NCOA2: variants seen among roughly 807,000 people sequenced by gnomAD.
NCOA2 encodes nuclear receptor coactivator 2, also known as class E basic helix-loop-helix protein 75.
NCOA2 carries 21 observed loss-of-function variants against 145.1 expected under a neutral mutation model. The observed-to-expected ratio is 0.14, with a 90% confidence interval of 0.10 to 0.21. NCOA2 has a LOEUF of 0.21. NCOA2 is among the 10% of genes least tolerant of loss of function. NCOA2 has a pLI of 1.00. For missense variants in NCOA2, 1,472 were observed against 1,837.6 expected, an observed-to-expected ratio of 0.80 and a Z score of 3.64; for synonymous variants, 619 against 637.5, an observed-to-expected ratio of 0.97 and a Z score of 0.44.
chr8:70,277,646 T>A (rs1005753986), intron 2 of NCOA2, among the ~76,000 whole-genome samples: 1 of 152,184 alleles, frequency 6.6e-6, no homozygotes, highest in Non-Finnish European at 1.5e-5. Flanking sequence ...TTCCCACAAA[T>A]GCTATTTTTA....
chr8:70,159,847 T>C (rs72663932), intron 9 of NCOA2, among the ~76,000 whole-genome samples, 195 bp from the exon 10 acceptor site: 11 of 152,318 alleles, frequency 7.2e-5, no homozygotes, highest in South Asian at 6.2e-4. Flanking sequence ...TCACTGAAAA[T>C]ACCAATAACC....
At position 70,113,629 on chromosome 8, in the gene NCOA2, G is replaced by A. The variant is rs1300376831; in HGVS notation, c.*3C>T. Reference sequence around the variant, plus strand: ...GCTGAAGAAGCAACTGGCTTCAGCAGTGTCAGCAATATTTCTGTAGGAAAA... The same window carrying A: ...GCTGAAGAAGCAACTGGCTTCAGCAATGTCAGCAATATTTCTGTAGGAAAA... On this transcript the variant is annotated 3_prime_UTR_variant, in exon 23 of 23. Transcript: ENST00000452400. 9 of 1,551,944 alleles carry A rather than the reference G, an allele frequency of 5.8e-6. No homozygotes were observed. The highest frequency in any genetic ancestry group is 2.4e-5 in the East Asian group (1 of 40,972).
chr8:70,402,693 G>GGCCT (rs1285882546), intron 1 of NCOA2: 1 of 152,120 alleles, frequency 6.6e-6, no homozygotes, highest in Non-Finnish European at 1.5e-5. Context: ...GGGCCCCGAG[G>GGCCT]GCCTGTCCCT....
chr8:70,311,835 A>G (rs1461108785), intron 1 of NCOA2, among the ~76,000 whole-genome samples: 1 of 152,136 alleles, frequency 6.6e-6, no homozygotes, highest in Non-Finnish European at 1.5e-5. Context: ...AAATTCTACC[A>G]TCCTCAAATA....
In NCOA2 at chr8:70,204,228, G is replaced by A. The variant is rs566441542; in HGVS notation, c.259+9675C>T. On this transcript the variant is annotated intron_variant, in intron 4 of 22. Coordinates refer to ENST00000452400, the MANE Select transcript of NCOA2 (RefSeq NM_006540.4). ...TCACCATGTTGGCCAGGATAGTCTC[G>A]AACTCCTGACCTCAAGTGATCCGCC... Among the ~76,000 whole-genome samples, 28 of 152,016 alleles carry A rather than the reference G, an allele frequency of 1.8e-4. No individual in the cohort carries two copies. The East Asian group carries it at 3.9e-3, about 21-fold the overall frequency.
chr8:70,114,959 C>T (rs1249241832), intron 22 of NCOA2, among the ~76,000 whole-genome samples: 1 of 152,066 alleles, frequency 6.6e-6, no homozygotes, highest in African/African-American at 2.4e-5. Context: ...CTTAGAATAC[C>T]TGTGATTTTA....
At chr8:70,189,262 G>A (rs1816411000) in intron 4 of NCOA2, among the ~76,000 whole-genome samples, 2 of 152,156 alleles carry the variant, frequency 1.3e-5, no homozygotes, top group Admixed American at 1.3e-4. Flanking sequence ...GGCCTTCTTG[G>A]TTCAGCAGAT....
At chr8:70,287,314 CTT>C (rs1826304709) in intron 2 of NCOA2, among the ~76,000 whole-genome samples, 1 of 152,144 alleles carries the variant, frequency 6.6e-6, no homozygotes. Context: ...TCTAGTCACT[CTT>C]AGAATGTAGT....
At chr8:70,248,306 C>G (rs1822792682) in intron 2 of NCOA2, among the ~76,000 whole-genome samples, 6 of 152,116 alleles carry the variant, frequency 3.9e-5, no homozygotes, top group Admixed American at 3.9e-4. Context: ...CTCTGTAATC[C>G]AGGCTCCTAT....
At chr8:70,135,100 T>C (rs1468683162) in intron 15 of NCOA2, among the ~76,000 whole-genome samples, 5 of 152,102 alleles carry the variant, frequency 3.3e-5, no homozygotes, top group Admixed American at 3.3e-4. Context: ...GCCTTCCCTG[T>C]GAGCTCCAGC....
At chr8:70,394,612 A>C (rs1284395916) in intron 1 of NCOA2, among the ~76,000 whole-genome samples, 2 of 152,082 alleles carry the variant, frequency 1.3e-5, no homozygotes, top group Non-Finnish European at 2.9e-5. Flanking sequence ...ATATTGAGAA[A>C]CTCCAAAGAG....
chr8:70,294,731 C>A (rs1361527250), intron 2 of NCOA2, among the ~76,000 whole-genome samples: 1 of 152,162 alleles, frequency 6.6e-6, no homozygotes, highest in Non-Finnish European at 1.5e-5. Context: ...AGGTCAAGGT[C>A]TTTGGAGTGG....
intron 2 of NCOA2, among the ~76,000 whole-genome samples, chr8:70,231,509 T>C (rs1307848983): frequency 6.6e-6 from 1 of 152,254 alleles, no homozygotes; most frequent in Non-Finnish European, 1.5e-5. Context: ...ATAGTTTTCC[T>C]GGCTCCGCCC....
At chr8:70,417,245 TAAAAAA>T in the NCOA2 span, among the ~76,000 whole-genome samples, 5 of 77,996 alleles carry the variant, frequency 6.4e-5, no homozygotes, top group Admixed American at 4.2e-4. Flanking sequence ...TCGTCTCTAT[TAAAAAA>T]AAAAAAAAAA....
chr8:70,335,145 A>ATT (rs1807465394), intron 1 of NCOA2, among the ~76,000 whole-genome samples: 3 of 149,556 alleles, frequency 2.0e-5, no homozygotes, highest in East Asian at 2.0e-4. Flanking sequence ...AAAAAAAAAA[A>ATT]AAAAAAAAGA....
chr8:70,406,104 CAG>C (rs1814774032), upstream of NCOA2, among the ~76,000 whole-genome samples: 1 of 152,208 alleles, frequency 6.6e-6, no homozygotes, highest in South Asian at 2.1e-4. Flanking sequence ...GTAAGTGCAA[CAG>C]AGCCCAAGAC....
intron 19 of NCOA2, among the ~76,000 whole-genome samples, chr8:70,126,086 TCA>T (rs1808382379): frequency 6.6e-6 from 1 of 152,222 alleles, no homozygotes; most frequent in Non-Finnish European, 1.5e-5. Context: ...GCAACAGACT[TCA>T]CAGTTATTTA....
chr8:70,196,999 T>G (rs1406224657), intron 4 of NCOA2, among the ~76,000 whole-genome samples: 2 of 152,236 alleles, frequency 1.3e-5, no homozygotes, highest in African/African-American at 2.4e-5. Flanking sequence ...CACAGATCTA[T>G]TCTATGGACA....
At chr8:70,319,738 T>C (rs867618041) in intron 1 of NCOA2, among the ~76,000 whole-genome samples, 16 of 152,202 alleles carry the variant, frequency 1.1e-4, no homozygotes, top group African/African-American at 3.4e-4. Context: ...TCAATTATAA[T>C]GCAAGCATAC....
Sources: gnomAD v4.1 joint callset for allele counts (sites outside exome capture counted in the v4.1 genomes callset) on GRCh38, gnomAD v4.1.1 for gene constraint, MANE v1.5 for transcripts, NCBI Gene and HGNC (gene_info 2026-07-23, HGNC 2026-07-21) for gene names.